The following TENM1 variants were observed in gnomAD, a reference collection of about 807,000 sequenced individuals.
TENM1 encodes teneurin-1.
In TENM1, 35 loss-of-function variants were observed where a neutral mutation model predicts 174.8. That is an observed-to-expected ratio of 0.20 (90% CI 0.15 to 0.27). The LOEUF is 0.27. Ranked by LOEUF, TENM1 falls within the 10% of genes least tolerant of loss-of-function variation. The probability of loss-of-function intolerance (pLI) is 1.00; values close to 1 mark genes in which losing one functional copy is unlikely to be tolerated. For missense variants in TENM1, 1,633 were observed against 2,130.1 expected, an observed-to-expected ratio of 0.77 and a Z score of 4.59; for synonymous variants, 781 against 798.7, an observed-to-expected ratio of 0.98 and a Z score of 0.37.
chrX:125,064,018 G>A, the TENM1 span, among the ~76,000 whole-genome samples: 3 of 110,899 alleles, frequency 2.7e-5, no homozygotes, highest in Non-Finnish European at 5.7e-5. Flanking sequence ...TAGGGGCATG[G>A]ATGAAGCTGG....
chrX:124,903,510 C>T (rs1230776503), intron 1 of TENM1, among the ~76,000 whole-genome samples: 1 of 111,916 alleles, frequency 8.9e-6, no homozygotes, highest in Non-Finnish European at 1.9e-5. Flanking sequence ...TTAAAATATC[C>T]TTCAGCAATC....
intron 3 of TENM1, among the ~76,000 whole-genome samples, chrX:124,747,882 CT>C (rs1168326449): frequency 9.0e-6 from 1 of 110,715 alleles, no homozygotes; most frequent in African/African-American, 3.3e-5. Flanking sequence ...TTTGCTTTTA[CT>C]TTTCTTGACT....
At chrX:125,068,225 G>A in the TENM1 span, among the ~76,000 whole-genome samples, 1 of 111,142 alleles carries the variant, frequency 9.0e-6, no homozygotes, top group Admixed American at 9.6e-5. Context: ...TTGCCATAGC[G>A]CTCCCTAATT....
At chrX:125,122,333 C>T in the TENM1 span, among the ~76,000 whole-genome samples, 1 of 111,237 alleles carries the variant, frequency 9.0e-6, no homozygotes, top group Non-Finnish European at 1.9e-5. Context: ...AAATGCTTTA[C>T]TGTGAGAAGG....
At chrX:125,000,164 A>G in the TENM1 span, among the ~76,000 whole-genome samples, 1 of 111,853 alleles carries the variant, frequency 8.9e-6, no homozygotes, top group African/African-American at 3.2e-5. Flanking sequence ...CATATTAGTA[A>G]CTTCTGGTGC....
At chrX:124,551,067 G>C (rs1018846815) in intron 14 of TENM1, among the ~76,000 whole-genome samples, 2 of 112,693 alleles carry the variant, frequency 1.8e-5, no homozygotes, top group African/African-American at 6.4e-5. Flanking sequence ...CCCTGCTTTG[G>C]CTCTAAGCTT....
At chrX:124,805,452 C>T (rs1015453755) in intron 3 of TENM1, among the ~76,000 whole-genome samples, 3 of 112,618 alleles carry the variant, frequency 2.7e-5, no homozygotes, top group Non-Finnish European at 5.6e-5. Context: ...AATGGGCATA[C>T]TAGTTTTTCA....
chrX:124,709,439 T>C (rs1208630522), intron 4 of TENM1, among the ~76,000 whole-genome samples: 1 of 110,200 alleles, frequency 9.1e-6, no homozygotes, highest in Non-Finnish European at 1.9e-5. Context: ...ATGAGGATGA[T>C]GTTTAACTGA....
At chrX:124,692,022 T>C (rs1006348750) in intron 5 of TENM1, among the ~76,000 whole-genome samples, 1 of 112,279 alleles carries the variant, frequency 8.9e-6, no homozygotes, top group Admixed American at 9.5e-5. Context: ...ATTTGTACGT[T>C]CATTTCACCA....
chrX:124,561,647 G>A (rs767153171), intron 14 of TENM1, 24 bp downstream of exon 17: 15 of 1,208,684 alleles, frequency 1.2e-5, no homozygotes, highest in Admixed American at 4.4e-5. Context: ...CCTTTCTTAC[G>A]TGAACATTTT....
chrX:124,837,060 C>T (rs758338870), intron 3 of TENM1, among the ~76,000 whole-genome samples: 3 of 112,083 alleles, frequency 2.7e-5, no homozygotes, highest in Admixed American at 1.9e-4. Context: ...TTTTGTCATC[C>T]AACTATTACA....
intron 1 of TENM1, among the ~76,000 whole-genome samples, chrX:124,926,972 G>A (rs984032644): frequency 1.8e-5 from 2 of 111,981 alleles, no homozygotes; most frequent in East Asian, 5.6e-4. Flanking sequence ...GTGCTCTGTG[G>A]ATTATTCTAG....
the TENM1 span, among the ~76,000 whole-genome samples, chrX:125,010,085 G>A: frequency 9.0e-6 from 1 of 111,314 alleles, no homozygotes; most frequent in Non-Finnish European, 1.9e-5. Flanking sequence ...AAGCGAGGAA[G>A]TCAAATTGTT....
rs1386135550 is a variant in TENM1 at position 124,723,609 on chromosome X, T to TG, written c.776+13347_776+13348insC. ...CTGGTGGGTTTTTTTTTTTGTTTTT[T>TG]TTTTTTTTTTTTGACGGAGTCTCAC... is the stretch of plus-strand genomic sequence containing the variant. On this transcript the variant is annotated intron_variant, in intron 4 of 31. Transcript: ENST00000422452. Among the ~76,000 whole-genome samples, 7 of 100,286 alleles carry TG rather than the reference T, an allele frequency of 7.0e-5. No homozygotes were observed. In the East Asian group the frequency reaches 2.1e-3, roughly 30 times the overall value. The allele number at this position is 100,286 out of a possible 115,157, so 87.1% of individuals were successfully genotyped here.
the TENM1 span, among the ~76,000 whole-genome samples, chrX:125,150,576 C>G: frequency 8.9e-6 from 1 of 112,016 alleles, no homozygotes; most frequent in Non-Finnish European, 1.9e-5. Context: ...TGGCCATTAA[C>G]CACCTCTCTT....
intron 3 of TENM1, among the ~76,000 whole-genome samples, chrX:124,749,226 T>C (rs2054006877): frequency 8.9e-6 from 1 of 111,815 alleles, no homozygotes; most frequent in Non-Finnish European, 1.9e-5. Flanking sequence ...TTCTTTATTA[T>C]GCTGCAAGTT....
chrX:124,719,120 A>G (rs922604714), intron 4 of TENM1, among the ~76,000 whole-genome samples: 1 of 111,436 alleles, frequency 9.0e-6, no homozygotes, highest in Non-Finnish European at 1.9e-5. Flanking sequence ...GGTATTCTAC[A>G]TCTCTACAGG....
chrX:124,462,468 TA>T (rs2061189723), intron 22 of TENM1, among the ~76,000 whole-genome samples: 1 of 107,524 alleles, frequency 9.3e-6, no homozygotes, highest in African/African-American at 3.5e-5. Context: ...TGTGTGTGTT[TA>T]ATATGGTTGT....
chrX:125,146,555 T>TA, the TENM1 span, among the ~76,000 whole-genome samples: 2 of 111,707 alleles, frequency 1.8e-5, no homozygotes, highest in African/African-American at 6.5e-5. Flanking sequence ...AATAGAGGTA[T>TA]AAAGTTCAAT....
Sources: gnomAD v4.1 joint callset for allele counts (sites outside exome capture counted in the v4.1 genomes callset) on GRCh38, gnomAD v4.1.1 for gene constraint, MANE v1.5 for transcripts, NCBI Gene and HGNC (gene_info 2026-07-23, HGNC 2026-07-21) for gene names.